The following SLC26A7 variants were observed in gnomAD, a reference collection of about 807,000 sequenced individuals.
The protein encoded by SLC26A7 is anion exchange transporter.
Under a neutral mutation model 82.5 loss-of-function variants are expected in SLC26A7, and 59 were observed. The observed-to-expected ratio is 0.72, with a 90% CI of 0.58 to 0.89. The LOEUF is 0.89. Among genes scored for constraint, SLC26A7 ranks in the 40% least tolerant of loss-of-function variants. The probability of loss-of-function intolerance (pLI) is 0.00; values close to 1 mark genes in which losing one functional copy is unlikely to be tolerated. For synonymous variants in SLC26A7, 271 were observed against 274.3 expected (o/e 0.99, Z 0.12); for missense variants, 820 against 793.0 (o/e 1.03, Z -0.41).
chr8:91,229,385 T>TC (rs1308351427), intron 2 of SLC26A7, among the ~76,000 whole-genome samples: 1 of 152,206 alleles, frequency 6.6e-6, no homozygotes, highest in Non-Finnish European at 1.5e-5. Context: ...CATGAATTTT[T>TC]CCCTCTAACA....
chr8:91,389,000 C>T (rs944242894), intron 15 of SLC26A7, among the ~76,000 whole-genome samples: 3 of 152,136 alleles, frequency 2.0e-5, no homozygotes, highest in Admixed American at 6.5e-5. Flanking sequence ...GACTTTGCTT[C>T]TGTCTGTGTT....
chr8:91,395,320 AGTAT>A lies in SLC26A7; in HGVS notation c.*226_*229del, dbSNP rs1293479931. ...CGCTTAGTTATTTTATGTAAAAATC[AGTAT>A]GTGTTTAGTTTTAGTGTACTGAAGG... On this transcript the variant is annotated 3_prime_UTR_variant, in exon 19 of 19. Coordinates refer to ENST00000276609, the MANE Select transcript of SLC26A7 (RefSeq NM_052832.4). The A allele has an allele frequency of 1.7e-6, 2 of 1,198,532 alleles. No individual in the cohort carries two copies. The highest frequency in any genetic ancestry group is 5.8e-5 in the East Asian group (2 of 34,586). 74.2% of individuals were successfully genotyped at this position (1,198,532 alleles called of 1,614,324 possible).
intron 14 of SLC26A7, among the ~76,000 whole-genome samples, chr8:91,369,401 A>G (rs1814290942): frequency 6.6e-6 from 1 of 151,312 alleles, no homozygotes; most frequent in African/African-American, 2.4e-5. Flanking sequence ...ATTTTCATGT[A>G]GTGGTAGTAT....
chr8:91,210,397 T>C (rs1809886990), intron 1 of SLC26A7, among the ~76,000 whole-genome samples: 3 of 152,184 alleles, frequency 2.0e-5, no homozygotes, highest in African/African-American at 7.2e-5. Context: ...ATGATACCAT[T>C]ACTCCCAATA....
chr8:91,233,223 G>A (rs182468294), intron 2 of SLC26A7, among the ~76,000 whole-genome samples: 1 of 152,298 alleles, frequency 6.6e-6, no homozygotes, highest in East Asian at 1.9e-4. Flanking sequence ...GAGGAGAAGA[G>A]GAAACATCAG....
chr8:91,249,943 T>G, intron 2 of SLC26A7, 99 bp downstream of exon 2: 1 of 849,900 alleles, frequency 1.2e-6, no homozygotes, highest in Non-Finnish European at 1.7e-6. Context: ...TTTAGCTAAA[T>G]AAATGGATAT....
chr8:91,390,121 T>C (rs1814916364), intron 16 of SLC26A7, among the ~76,000 whole-genome samples: 1 of 151,490 alleles, frequency 6.6e-6, no homozygotes, highest in South Asian at 2.1e-4. Flanking sequence ...TTTTTTTTTT[T>C]TTTTTCTGAG....
intron 2 of SLC26A7, among the ~76,000 whole-genome samples, chr8:91,255,772 A>G (rs1465240361): frequency 6.6e-6 from 1 of 152,060 alleles, no homozygotes; most frequent in Non-Finnish European, 1.5e-5. Context: ...AGGACCCTGT[A>G]TTTATTTATG....
At chr8:91,279,129 A>ATATATATATATATATATATATG (rs1811490003) in intron 2 of SLC26A7, among the ~76,000 whole-genome samples, 10 of 19,110 alleles carry the variant, frequency 5.2e-4, no homozygotes, top group African/African-American at 1.2e-3. Context: ...GTGTGTGTAT[A>ATATATATATATATATATATATG]TATATATATA....
rs1814302763 is a variant in SLC26A7 at position 91,369,789 on chromosome 8, A to T, written c.1631A>T (p.Glu544Val). The change falls in exon 15 of 19, where the codon GAA becomes GTA. Residue 544 changes from glutamate to valine, a missense_variant. Glu to Val is a moderately radical substitution (Grantham distance 121, BLOSUM62 -2). Coordinates refer to ENST00000276609, the MANE Select transcript of SLC26A7 (RefSeq NM_052832.4). ...TTATGTTTGTTTTTATTTTAGTGTG[A>T]ACAAAACACATTGCTTAATTCCCTA... is the stretch of plus-strand genomic sequence containing the variant. ...NQPLDDISKC[E>V]QNTLLNSLSN... The T allele has an allele frequency of 6.3e-7, 1 of 1,594,612 alleles. No homozygotes were observed. The highest frequency in any genetic ancestry group is 8.5e-7 in the Non-Finnish European group (1 of 1,171,184).
At chr8:91,394,485 A>T in intron 18 of SLC26A7, 1 of 1,338,000 alleles carries the variant, frequency 7.5e-7, no homozygotes, top group Non-Finnish European at 9.5e-7. Flanking sequence ...TGCTCACATG[A>T]TCTGAAGTGT....
chr8:91,327,854 TG>T (rs1812975266), intron 5 of SLC26A7, among the ~76,000 whole-genome samples: 1 of 152,162 alleles, frequency 6.6e-6, no homozygotes, highest in African/African-American at 2.4e-5. Flanking sequence ...TTGTTTTTAG[TG>T]TAGAAATATT....
chr8:91,322,740 T>C (rs1371025499), intron 5 of SLC26A7, among the ~76,000 whole-genome samples: 4 of 152,214 alleles, frequency 2.6e-5, no homozygotes, highest in South Asian at 2.1e-4. Context: ...AATAATTATG[T>C]ACAGTTATAT....
At chr8:91,291,077 G>A (rs1811855083) in intron 3 of SLC26A7, among the ~76,000 whole-genome samples, 1 of 152,034 alleles carries the variant, frequency 6.6e-6, no homozygotes, top group Admixed American at 6.6e-5. Flanking sequence ...ATGCATATTT[G>A]TGTACGTATA....
chr8:91,353,768 G>C (rs1452815691), intron 11 of SLC26A7, among the ~76,000 whole-genome samples: 1 of 151,972 alleles, frequency 6.6e-6, no homozygotes, highest in Non-Finnish European at 1.5e-5. Context: ...GCCTACTTTT[G>C]TAATATTCCT....
At chr8:91,227,343 A>T (rs1007271708) in intron 2 of SLC26A7, among the ~76,000 whole-genome samples, 2 of 152,230 alleles carry the variant, frequency 1.3e-5, no homozygotes, top group Non-Finnish European at 2.9e-5. Context: ...AGAGAATAAA[A>T]AAGAGAAACT....
intron 2 of SLC26A7, among the ~76,000 whole-genome samples, chr8:91,282,094 T>A (rs1335395733): frequency 1.3e-5 from 2 of 152,180 alleles, no homozygotes; most frequent in Non-Finnish European, 2.9e-5. Flanking sequence ...TCCCTTTGGT[T>A]ATTTTGAGAA....
intron 5 of SLC26A7, among the ~76,000 whole-genome samples, chr8:91,329,235 T>TGTGTGTGTGTGTGTGTATGTGTGC (rs1292060056): frequency 1.9e-5 from 2 of 103,914 alleles, no homozygotes; most frequent in African/African-American, 9.2e-5. Context: ...TATGTAAATA[T>TGTGTGTGTGTGTGTGTATGTGTGC]GTGTGTGTGC....
Position 91,314,793 on chromosome 8 carries a change from A to G in SLC26A7, c.478-3423A>G, listed in dbSNP as rs1190590456. On this transcript the variant is annotated intron_variant, in intron 4 of 18. Coordinates refer to ENST00000276609, the MANE Select transcript of SLC26A7 (RefSeq NM_052832.4). ...TAATGTATACAAGTAGAATGTTACAATAATATTTTGAGTCTTTAGACATTT... is the reference window on the plus strand; with the variant it reads ...TAATGTATACAAGTAGAATGTTACAGTAATATTTTGAGTCTTTAGACATTT... Among the ~76,000 whole-genome samples, 8 of 152,308 alleles carry G rather than the reference A, an allele frequency of 5.3e-5. No individual in the cohort carries two copies. In the South Asian group the frequency reaches 6.2e-4, roughly 12 times the overall value.
Sources: allele counts gnomAD v4.1 joint callset (sites outside exome capture counted in the v4.1 genomes callset), GRCh38; gene constraint gnomAD v4.1.1; transcripts MANE v1.5; gene names NCBI Gene and HGNC (gene_info 2026-07-23, HGNC 2026-07-21).